The following R3HCC1L variants were observed in gnomAD, a reference collection of about 807,000 sequenced individuals.
The protein encoded by R3HCC1L is R3H domain and coiled-coil containing 1 like, also known as coiled-coil domain-containing protein R3HCC1L.
Under a neutral mutation model 59.9 loss-of-function variants are expected in R3HCC1L, and 51 were observed. The ratio of observed to expected loss-of-function variants is 0.85; its 90% CI spans 0.68 to 1.07. R3HCC1L has a LOEUF of 1.07. Ranked by LOEUF, R3HCC1L falls within the 50% of genes least tolerant of loss-of-function variation. The pLI is 0.00. For synonymous variants in R3HCC1L, 322 were observed against 315.2 expected (o/e 1.02, Z -0.23); for missense variants, 965 against 933.0 (o/e 1.03, Z -0.45).
At chr10:98,206,741 T>C (rs1409678049) in intron 4 of R3HCC1L, among the ~76,000 whole-genome samples, 3 of 152,234 alleles carry the variant, frequency 2.0e-5, no homozygotes, top group Non-Finnish European at 4.4e-5. Context: ...CCAGGTGTGC[T>C]ATGTCTCTGG....
chr10:98,174,333 G>A lies in R3HCC1L; in HGVS notation c.-15+10936G>A, dbSNP rs573478559. On this transcript the variant is annotated intron_variant, in intron 4 of 9. Transcript: ENST00000298999. ...GTGCCCGTTGCCTCCGTTTCTCAAAGTACAAAATAAACTTCCAGGAAGTTA... is the reference window on the plus strand; with the variant it reads ...GTGCCCGTTGCCTCCGTTTCTCAAAATACAAAATAAACTTCCAGGAAGTTA... The A allele has an allele frequency of 8.4e-4, 267 of 318,426 alleles. 1 individual carries two copies. The highest frequency in any genetic ancestry group is 1.2e-3 in the Non-Finnish European group (254 of 220,648). 19.7% of individuals were successfully genotyped at this position (318,426 alleles called of 1,614,324 possible).
At chr10:98,212,695 A>G (rs1853722123) in intron 5 of R3HCC1L, among the ~76,000 whole-genome samples, 1 of 152,148 alleles carries the variant, frequency 6.6e-6, no homozygotes, top group Non-Finnish European at 1.5e-5. Context: ...TCATTAGAAA[A>G]TACTTTCATA....
intron 1 of R3HCC1L, among the ~76,000 whole-genome samples, chr10:98,146,803 A>G (rs1443340062): frequency 6.6e-6 from 1 of 152,188 alleles, no homozygotes; most frequent in Non-Finnish European, 1.5e-5. Context: ...ACATGTATCT[A>G]TTGATGGACA....
chr10:98,195,702 C>A lies in R3HCC1L; in HGVS notation c.-14-12399C>A, dbSNP rs185788507. 7.5e-4 allele frequency among the ~76,000 whole-genome samples: 114 copies of A among 152,232 alleles called. 2 individuals are homozygous for A. In the South Asian group the frequency reaches 0.016, roughly 22 times the overall value. On this transcript the variant is annotated intron_variant, in intron 4 of 9. Coordinates refer to ENST00000298999, the MANE Select transcript of R3HCC1L (RefSeq NM_001351015.2). Reference sequence around the variant, plus strand: ...ATTTTTAAAACTGTACCTTGTTAAACCCCGTCTTTTTTTACTTGGATACCT... The same window carrying A: ...ATTTTTAAAACTGTACCTTGTTAAAACCCGTCTTTTTTTACTTGGATACCT...
In R3HCC1L at chr10:98,208,216, T is replaced by G. The variant is rs1852952518; in HGVS notation, c.102T>G (p.Gly34=). 1.2e-6 allele frequency: 2 copies of G among 1,613,624 alleles called. No homozygotes were observed. The highest frequency in any genetic ancestry group is 2.7e-5 in the African/African-American group (2 of 74,764). ...ARRGAVLLKT[G]DEEESCGSPN... is the part of the protein sequence containing the mutation. The stretch of plus-strand genomic sequence containing the variant: ...GGGGTGCAGTACTCCTTAAGACAGG[T>G]GATGAAGAAGAAAGCTGTGGTTCAC... The change falls in exon 5 of 10, where the codon GGT becomes GGG. Residue 34 remains glycine, a synonymous_variant. Coordinates refer to ENST00000298999, the MANE Select transcript of R3HCC1L (RefSeq NM_001351015.2).
intron 4 of R3HCC1L, among the ~76,000 whole-genome samples, chr10:98,168,194 C>T (rs1848143290): frequency 6.6e-6 from 1 of 152,186 alleles, no homozygotes; most frequent in Admixed American, 6.5e-5. Context: ...AAACTTTTCT[C>T]TCTACCTTTG....
chr10:98,228,905 A>G (rs1855998686), intron 5 of R3HCC1L, among the ~76,000 whole-genome samples: 4 of 151,996 alleles, frequency 2.6e-5, no homozygotes. Context: ...GATGTGTGGT[A>G]TTATTTCTGA....
intron 1 of R3HCC1L, among the ~76,000 whole-genome samples, chr10:98,151,910 C>G (rs1846196115): frequency 6.6e-6 from 1 of 151,900 alleles, no homozygotes; most frequent in African/African-American, 2.4e-5. Flanking sequence ...AGCTCGCTCT[C>G]TCTCTCTCCC....
rs78369108 is a variant in R3HCC1L, at chr10:98,227,161, T to C, written c.1786-4351T>C. Among the ~76,000 whole-genome samples, 1,350 of 152,350 alleles carry C rather than the reference T, an allele frequency of 8.9e-3. 24 individuals carry two copies. The highest frequency in any genetic ancestry group is 0.029 in the African/African-American group (1,207 of 41,584). ...GTGGGTTTACTTTACTGAATACTTA[T>C]GTGCCAAGCAGTATGCTAAGCACTT... On this transcript the variant is annotated intron_variant, in intron 5 of 9. Coordinates refer to ENST00000298999, the MANE Select transcript of R3HCC1L (RefSeq NM_001351015.2).
chr10:98,206,598 CATT>C (rs72035836), intron 4 of R3HCC1L, among the ~76,000 whole-genome samples: 144,644 of 151,780 alleles, frequency 0.95, 69,299 homozygotes, highest in East Asian at 1. Context: ...CATTTCTACC[CATT>C]ATTATTATTA....
In R3HCC1L at chr10:98,209,620, C is replaced by T; in HGVS notation, c.1506C>T (p.Asp502=). The part of the protein sequence containing the change: ...SMLNGTKVLS[D]SAVGIDLGST... Reference sequence around the variant, plus strand: ...TAAATGGGACAAAAGTTCTTTCAGACAGTGCCGTGGGCATTGACCTGGGTA... The same window carrying T: ...TAAATGGGACAAAAGTTCTTTCAGATAGTGCCGTGGGCATTGACCTGGGTA... Residue 502 remains aspartate (D), a synonymous_variant, in exon 5 of 10, where the codon GAC becomes GAT. Transcript: ENST00000298999. 6.2e-7 allele frequency: 1 copy of T among 1,614,018 alleles called. No homozygotes were observed. Among genetic ancestry groups the T allele is most frequent in the Non-Finnish European group, 8.5e-7 (1 of 1,179,962 alleles).
At chr10:98,195,445 CTTT>C (rs769750323) in intron 4 of R3HCC1L, among the ~76,000 whole-genome samples, 6 of 141,026 alleles carry the variant, frequency 4.3e-5, no homozygotes, top group African/African-American at 1.0e-4. Flanking sequence ...AATTTATGTT[CTTT>C]TTTTTTTTTT....
At chr10:98,228,865 G>C (rs1482447265) in intron 5 of R3HCC1L, among the ~76,000 whole-genome samples, 1 of 152,094 alleles carries the variant, frequency 6.6e-6, no homozygotes, top group Non-Finnish European at 1.5e-5. Flanking sequence ...TCTTGTTTTT[G>C]TCAGGTTTGT....
chr10:98,210,596 A>G (rs1241328309), intron 5 of R3HCC1L, among the ~76,000 whole-genome samples: 1 of 152,182 alleles, frequency 6.6e-6, no homozygotes, highest in African/African-American at 2.4e-5. Context: ...TAAGTAGTAG[A>G]ACACTCCCTC....
At chr10:98,173,173 C>T (rs1330858615) in intron 4 of R3HCC1L, among the ~76,000 whole-genome samples, 1 of 152,040 alleles carries the variant, frequency 6.6e-6, no homozygotes, top group Non-Finnish European at 1.5e-5. Flanking sequence ...AAATTCGAAG[C>T]AAGAAAATGG....
chr10:98,196,703 C>T (rs1012507794), intron 4 of R3HCC1L, among the ~76,000 whole-genome samples: 5 of 152,162 alleles, frequency 3.3e-5, no homozygotes, highest in African/African-American at 9.7e-5. Flanking sequence ...CCACCCTAGA[C>T]GTGCTGCAAT....
chr10:98,137,109 C>T (rs1844676099), intron 1 of R3HCC1L, among the ~76,000 whole-genome samples: 1 of 151,736 alleles, frequency 6.6e-6, no homozygotes, highest in Non-Finnish European at 1.5e-5. Flanking sequence ...TCCTCAGGAG[C>T]CTGAGGTAGG....
At chr10:98,217,396 C>T (rs1250995194) in intron 5 of R3HCC1L, among the ~76,000 whole-genome samples, 2 of 152,082 alleles carry the variant, frequency 1.3e-5, no homozygotes, top group Non-Finnish European at 2.9e-5. Flanking sequence ...ATACCAATAC[C>T]ATGCTGTTTT....
intron 5 of R3HCC1L, among the ~76,000 whole-genome samples, chr10:98,228,105 G>A (rs922742192): frequency 6.6e-6 from 1 of 152,200 alleles, no homozygotes; most frequent in African/African-American, 2.4e-5. Context: ...CCAGTAATGG[G>A]ATGGCTGGGT....
Sources: gnomAD v4.1 joint callset for allele counts (sites outside exome capture counted in the v4.1 genomes callset) on GRCh38, gnomAD v4.1.1 for gene constraint, MANE v1.5 for transcripts, NCBI Gene and HGNC (gene_info 2026-07-23, HGNC 2026-07-21) for gene names.